The following GNG7 variants were observed in gnomAD, a reference collection of about 807,000 sequenced individuals.
GNG7 encodes the protein guanine nucleotide-binding protein G(I)/G(S)/G(O) subunit gamma-7.
Under a neutral mutation model 4.0 loss-of-function variants are expected in GNG7, and 1 was observed. The ratio of observed to expected loss-of-function variants is 0.25; its 90% CI spans 0.09 to 1.18. The LOEUF is 1.18. Among genes scored for constraint, GNG7 ranks in the 50% most tolerant of loss-of-function variants. GNG7 has a pLI of 0.50. For missense variants in GNG7, 86 were observed against 91.9 expected (o/e 0.94, Z 0.26); for synonymous variants, 34 against 36.9 (o/e 0.92, Z 0.29).
At chr19:2,606,492 T>C (rs756585665) in intron 2 of GNG7, among the ~76,000 whole-genome samples, 2 of 151,344 alleles carry the variant, frequency 1.3e-5, no homozygotes, top group Non-Finnish European at 2.9e-5. Flanking sequence ...CCATCTCTAC[T>C]AAAAATACAA....
At chr19:2,612,358 TG>T (rs1981594942) in intron 2 of GNG7, among the ~76,000 whole-genome samples, 1 of 151,964 alleles carries the variant, frequency 6.6e-6, no homozygotes, top group Non-Finnish European at 1.5e-5. Context: ...CATCGCCCAG[TG>T]CCCCCTGGGG....
intron 2 of GNG7, among the ~76,000 whole-genome samples, chr19:2,629,746 T>C (rs1982109738): frequency 6.6e-6 from 1 of 152,214 alleles, no homozygotes; most frequent in Non-Finnish European, 1.5e-5. Context: ...CGCCTCCCTC[T>C]GACCCCATGC....
chr19:2,551,053 C>T (rs1008253087), intron 3 of GNG7, among the ~76,000 whole-genome samples: 48 of 152,316 alleles, frequency 3.2e-4, no homozygotes, highest in Middle Eastern at 3.4e-3. Context: ...CACGTGGCCA[C>T]ATGGCTGGCA....
At chr19:2,681,447 T>G (rs2144899479) in intron 1 of GNG7, among the ~76,000 whole-genome samples, 1 of 152,162 alleles carries the variant, frequency 6.6e-6, no homozygotes, top group Non-Finnish European at 1.5e-5. Flanking sequence ...CCTCCCAAAG[T>G]GCTGGGATTG....
At chr19:2,604,844 C>G (rs1474260257) in intron 2 of GNG7, among the ~76,000 whole-genome samples, 1 of 152,154 alleles carries the variant, frequency 6.6e-6, no homozygotes, top group African/African-American at 2.4e-5. Flanking sequence ...GTGGCGGCTT[C>G]CCCTCTCTTA....
chr19:2,630,179 G>T (rs1240574732), intron 2 of GNG7, among the ~76,000 whole-genome samples: 1 of 152,142 alleles, frequency 6.6e-6, no homozygotes, highest in Non-Finnish European at 1.5e-5. Flanking sequence ...CAGAAAAAGG[G>T]AGTGAAGGTC....
chr19:2,563,214 C>T (rs1319464840), intron 2 of GNG7, among the ~76,000 whole-genome samples: 2 of 152,072 alleles, frequency 1.3e-5, no homozygotes, highest in African/African-American at 4.8e-5. Context: ...TCCCAAAGTG[C>T]TGGGATTACA....
intron 3 of GNG7, among the ~76,000 whole-genome samples, chr19:2,540,120 C>CTCCT (rs112722136): frequency 1.7e-5 from 2 of 119,300 alleles, no homozygotes; most frequent in South Asian, 5.9e-4. Context: ...CTTTTCTTTT[C>CTCCT]TCCTTCCTTC....
intron 3 of GNG7, among the ~76,000 whole-genome samples, chr19:2,549,313 G>C (rs923544007): frequency 1.4e-5 from 2 of 147,416 alleles, no homozygotes; most frequent in Non-Finnish European, 3.0e-5. Context: ...TTTTCTTTTA[G>C]ATGGAGTCTC....
At chr19:2,645,993 G>C (rs368963971) in intron 2 of GNG7, among the ~76,000 whole-genome samples, 12 of 152,238 alleles carry the variant, frequency 7.9e-5, no homozygotes, top group African/African-American at 2.6e-4. Flanking sequence ...GCACCAGCAG[G>C]ACCAGTGAGT....
At chr19:2,650,245 G>A (rs1022993723) in intron 1 of GNG7, among the ~76,000 whole-genome samples, 13 of 149,036 alleles carry the variant, frequency 8.7e-5, no homozygotes, top group African/African-American at 3.0e-4. Flanking sequence ...GTGCAGTGGG[G>A]CACGATCTCG....
At chr19:2,635,583 G>T (rs1192841394) in intron 2 of GNG7, among the ~76,000 whole-genome samples, 1 of 116,922 alleles carries the variant, frequency 8.6e-6, no homozygotes, top group Non-Finnish European at 1.9e-5. Flanking sequence ...TCAACTTGGG[G>T]TGATTTTTTT....
At chr19:2,664,099 C>A (rs1048700613) in intron 1 of GNG7, among the ~76,000 whole-genome samples, 2 of 152,332 alleles carry the variant, frequency 1.3e-5, no homozygotes, top group South Asian at 4.1e-4. Context: ...TATCCTCCAC[C>A]GCCCCCCAGG....
intron 2 of GNG7, among the ~76,000 whole-genome samples, chr19:2,615,332 G>A (rs758837900): frequency 5.3e-5 from 8 of 151,616 alleles, no homozygotes; most frequent in Non-Finnish European, 1.2e-4. Flanking sequence ...TGCCTTCAAT[G>A]CTCCTCCCCA....
intron 2 of GNG7, among the ~76,000 whole-genome samples, chr19:2,598,677 AAATAATAATAAT>A (rs56068932): frequency 0.16 from 22,193 of 140,932 alleles, 2,013 homozygotes; most frequent in South Asian, 0.28. Context: ...AAAAGTAATA[AAATAATAATAAT>A]AATAATAATA....
At chr19:2,565,896 G>A (rs559235022) in intron 2 of GNG7, among the ~76,000 whole-genome samples, 3 of 152,126 alleles carry the variant, frequency 2.0e-5, no homozygotes, top group Non-Finnish European at 4.4e-5. Context: ...GGTGGCTCAC[G>A]CCTGTTATCC....
Position 2,546,792 on chromosome 19 carries a change from G to A in GNG7, c.-38+8357C>T, listed in dbSNP as rs886776009. Among the ~76,000 whole-genome samples the A allele has an allele frequency of 6.6e-6, 1 of 152,212 alleles. No individual in the cohort carries two copies. The highest frequency in any genetic ancestry group is 2.4e-5 in the African/African-American group (1 of 41,450). On this transcript the variant is annotated intron_variant, in intron 3 of 4. Transcript: ENST00000382159. The surrounding 1 kb of genome is among the most constrained non-coding windows in gnomAD (Gnocchi z 6.3). The stretch of plus-strand genomic sequence containing the variant: ...AAAAGCTGCTCTCTGTCCACCCGGC[G>A]GTGGGGTCGGCGGGGGCGGGGGATG...
chr19:2,546,096 G>A lies in GNG7; in HGVS notation c.-38+9053C>T, dbSNP rs1210731356. Among the ~76,000 whole-genome samples, 2 of 152,206 alleles carry A rather than the reference G, an allele frequency of 1.3e-5. No individual in the cohort carries two copies. Among genetic ancestry groups the A allele is most frequent in the African/African-American group, 4.8e-5 (2 of 41,456 alleles). On this transcript the variant is annotated intron_variant, in intron 3 of 4. Coordinates refer to ENST00000382159, the MANE Select transcript of GNG7 (RefSeq NM_052847.3). This position sits in a 1 kb window ranked among gnomAD's most constrained non-coding sequence, Gnocchi z 6.3. ...GTGTCCCCTGGCAGCTGGGATGCAG[G>A]CCCCCCACGGCCTGCCATGTTCTCA...
At chr19:2,662,506 G>C (rs914417486) in intron 1 of GNG7, among the ~76,000 whole-genome samples, 6 of 152,122 alleles carry the variant, frequency 3.9e-5, no homozygotes, top group Non-Finnish European at 8.8e-5. Flanking sequence ...CCAGCTTGAA[G>C]TTAGGGTTGG....
Sources: gnomAD v4.1 joint callset for allele counts (sites outside exome capture counted in the v4.1 genomes callset) on GRCh38, gnomAD v4.1.1 for gene constraint, Gnocchi (gnomAD v3.1) non-coding constraint, MANE v1.5 for transcripts, NCBI Gene and HGNC (gene_info 2026-07-23, HGNC 2026-07-21) for gene names.